ZNF385D: variants seen among roughly 807,000 people sequenced by gnomAD.
The protein encoded by ZNF385D is zinc finger protein 659.
In ZNF385D, 15 loss-of-function variants were observed where a neutral mutation model predicts 35.8. The observed-to-expected ratio is 0.42, with a 90% CI of 0.28 to 0.64. ZNF385D has a LOEUF of 0.64. Ranked by LOEUF, ZNF385D falls within the 30% of genes least tolerant of loss-of-function variation. The pLI is 0.23. For missense variants in ZNF385D, 474 were observed against 494.6 expected (o/e 0.96, Z 0.39); for synonymous variants, 212 against 186.8 (o/e 1.13, Z -1.10).
intron 2 of ZNF385D, among the ~76,000 whole-genome samples, chr3:22,337,482 CG>C (rs1456450350): frequency 6.6e-6 from 1 of 151,890 alleles, no homozygotes; most frequent in East Asian, 1.9e-4. Flanking sequence ...TGCAGTGACC[CG>C]AGATTGCGCC....
intron 3 of ZNF385D, among the ~76,000 whole-genome samples, chr3:22,139,903 A>G (rs1704395529): frequency 6.6e-6 from 1 of 152,220 alleles, no homozygotes; most frequent in Admixed American, 6.5e-5. Context: ...AGTGAAATAT[A>G]TCTACACTCC....
At chr3:22,035,550 G>T (rs1010709043) in intron 3 of ZNF385D, among the ~76,000 whole-genome samples, 5 of 152,142 alleles carry the variant, frequency 3.3e-5, no homozygotes, top group Admixed American at 2.0e-4. Flanking sequence ...TGTGACCTAA[G>T]TTCTGAGTGC....
intron 3 of ZNF385D, chr3:21,511,808 T>A: frequency 2.2e-6 from 1 of 453,052 alleles, no homozygotes; most frequent in South Asian, 1.6e-5. Context: ...TCTCATGTTT[T>A]ATTTTCCTAA....
intron 3 of ZNF385D, among the ~76,000 whole-genome samples, chr3:21,934,159 G>A (rs1048545627): frequency 1.3e-5 from 2 of 152,150 alleles, no homozygotes; most frequent in African/African-American, 2.4e-5. Flanking sequence ...ATTTTCTTTA[G>A]TTCTGAGAAG....
At chr3:22,356,205 A>G (rs1696141059) in intron 2 of ZNF385D, among the ~76,000 whole-genome samples, 1 of 151,982 alleles carries the variant, frequency 6.6e-6, no homozygotes, top group Non-Finnish European at 1.5e-5. Flanking sequence ...CAATGCATCT[A>G]TGTTTATACC....
intron 3 of ZNF385D, among the ~76,000 whole-genome samples, chr3:21,918,995 A>G (rs1700325839): frequency 6.6e-6 from 1 of 152,220 alleles, no homozygotes; most frequent in Non-Finnish European, 1.5e-5. Flanking sequence ...GACAGCCTTA[A>G]TTTAAAATCT....
chr3:22,298,980 G>C (rs986257397), intron 2 of ZNF385D, among the ~76,000 whole-genome samples: 2 of 151,890 alleles, frequency 1.3e-5, no homozygotes, highest in South Asian at 2.1e-4. Flanking sequence ...TGGCAGAGAG[G>C]ATACAGGCTG....
At chr3:21,486,692 T>A (rs965929393) in intron 4 of ZNF385D, among the ~76,000 whole-genome samples, 1 of 152,088 alleles carries the variant, frequency 6.6e-6, no homozygotes, top group Non-Finnish European at 1.5e-5. Flanking sequence ...AGACATTAGG[T>A]CACATCTAGT....
At chr3:22,096,868 T>C (rs1395430418) in intron 3 of ZNF385D, among the ~76,000 whole-genome samples, 1 of 152,098 alleles carries the variant, frequency 6.6e-6, no homozygotes, top group Non-Finnish European at 1.5e-5. Flanking sequence ...CTCCTTTCAA[T>C]CTGTGATTTG....
chr3:22,023,903 C>A (rs1697373618), intron 3 of ZNF385D, among the ~76,000 whole-genome samples: 1 of 152,074 alleles, frequency 6.6e-6, no homozygotes, highest in Admixed American at 6.6e-5. Flanking sequence ...CGTTTTCATA[C>A]TGCTCTAAAG....
intron 2 of ZNF385D, among the ~76,000 whole-genome samples, chr3:22,350,636 G>A (rs1278456284): frequency 1.3e-5 from 2 of 152,040 alleles, no homozygotes; most frequent in Non-Finnish European, 2.9e-5. Flanking sequence ...ATTCAGTGAA[G>A]ATAAGCATAT....
chr3:22,148,890 G>A (rs1021046809), intron 3 of ZNF385D, among the ~76,000 whole-genome samples: 4 of 152,086 alleles, frequency 2.6e-5, no homozygotes, highest in Non-Finnish European at 4.4e-5. Flanking sequence ...ACAACTCAAG[G>A]GATGAGATGA....
At position 21,932,191 on chromosome 3, in the gene ZNF385D, A is replaced by AAAAAAAAAAAC. The variant is rs1701046791; in HGVS notation, c.325+236625_325+236626insGTTTTTTTTTT. On this transcript the variant is annotated intron_variant, in intron 3 of 5. Coordinates refer to the ZNF385D transcript ENST00000494108. ...CAAAAAAAAAAAAAAAAAAAAAAAA[A>AAAAAAAAAAAC]AAAGTGTGACTTGATCAAGGCAAAT... is the stretch of plus-strand genomic sequence containing the variant. Among the ~76,000 whole-genome samples the AAAAAAAAAAAC allele has an allele frequency of 2.7e-5, 4 of 148,320 alleles. 1 individual carries two copies. The South Asian group carries it at 8.5e-4, about 32-fold the overall frequency.
chr3:22,179,607 G>A (rs1451671803), intron 2 of ZNF385D, among the ~76,000 whole-genome samples: 1 of 152,168 alleles, frequency 6.6e-6, no homozygotes, highest in Non-Finnish European at 1.5e-5. Flanking sequence ...GCCCTGGCCA[G>A]AACTTCGAAT....
At chr3:21,437,620 A>C (rs1292839632) in intron 4 of ZNF385D, among the ~76,000 whole-genome samples, 1 of 140,596 alleles carries the variant, frequency 7.1e-6, no homozygotes, top group Non-Finnish European at 1.5e-5. Context: ...TTTCTTTACT[A>C]CTTATCTATT....
At chr3:21,886,314 C>T (rs554657433) in intron 3 of ZNF385D, among the ~76,000 whole-genome samples, 1 of 151,812 alleles carries the variant, frequency 6.6e-6, no homozygotes, top group South Asian at 2.1e-4. Context: ...ACTTAATTCG[C>T]TGCACAGTGA....
At chr3:21,667,681 T>G (rs1220810609) in intron 1 of ZNF385D, among the ~76,000 whole-genome samples, 1 of 152,222 alleles carries the variant, frequency 6.6e-6, no homozygotes, top group Non-Finnish European at 1.5e-5. Context: ...CAAGAAAATA[T>G]TCTACAATTG....
intron 2 of ZNF385D, among the ~76,000 whole-genome samples, chr3:21,573,707 A>G (rs1469617152): frequency 2.2e-5 from 3 of 134,208 alleles, no homozygotes; most frequent in Non-Finnish European, 3.2e-5. Context: ...CTTAAGAATT[A>G]CACATGCCTA....
At chr3:22,063,587 C>G (rs1699793892) in intron 3 of ZNF385D, among the ~76,000 whole-genome samples, 1 of 152,070 alleles carries the variant, frequency 6.6e-6, no homozygotes, top group Admixed American at 6.6e-5. Context: ...CAAAAATAAC[C>G]CTAATGATAT....
Sources: gnomAD v4.1 joint callset for allele counts (sites outside exome capture counted in the v4.1 genomes callset) on GRCh38, gnomAD v4.1.1 for gene constraint, MANE v1.5 for transcripts, NCBI Gene and HGNC (gene_info 2026-07-23, HGNC 2026-07-21) for gene names.